The following SLC24A2 variants were observed in gnomAD, a reference collection of about 807,000 sequenced individuals.
SLC24A2 encodes the protein sodium/potassium/calcium exchanger 2.
Under a neutral mutation model 62.0 loss-of-function variants are expected in SLC24A2, and 36 were observed. That is an observed-to-expected ratio of 0.58 (90% confidence interval 0.44 to 0.77). SLC24A2 has a LOEUF of 0.77. SLC24A2 is among the 30% of genes least tolerant of loss of function. The probability of loss-of-function intolerance (pLI) is 0.00; values close to 1 mark genes in which losing one functional copy is unlikely to be tolerated. For missense variants in SLC24A2, 846 were observed against 817.9 expected (o/e 1.03, Z -0.42); for synonymous variants, 358 against 294.0 (o/e 1.22, Z -2.23).
the SLC24A2 span, among the ~76,000 whole-genome samples, chr9:20,000,680 T>C: frequency 6.6e-6 from 1 of 152,184 alleles, no homozygotes; most frequent in Non-Finnish European, 1.5e-5. Context: ...GTTTCTTATG[T>C]GTCAGTGTTA....
the SLC24A2 span, among the ~76,000 whole-genome samples, chr9:19,841,062 A>T: frequency 3.2e-3 from 489 of 152,244 alleles, 1 homozygote; most frequent in African/African-American, 0.011. Flanking sequence ...ATTGGCTTAA[A>T]TGAACACAAA....
intron 4 of SLC24A2, among the ~76,000 whole-genome samples, chr9:19,609,199 C>T (rs143466337): frequency 5.2e-4 from 79 of 152,364 alleles, no homozygotes; most frequent in African/African-American, 1.6e-3. Flanking sequence ...CATGAATGTG[C>T]GCTCTCACTG....
the SLC24A2 span, among the ~76,000 whole-genome samples, chr9:20,076,239 T>C: frequency 6.6e-6 from 1 of 152,156 alleles, no homozygotes. Context: ...ATTTCACAGT[T>C]AGATGAGCAT....
At position 19,771,241 on chromosome 9, in the gene SLC24A2, A is replaced by T. The variant is rs188979215; in HGVS notation, c.930+14696T>A. Reference sequence around the variant, plus strand: ...CCCAGTTTATGATTCTGCACCAGGGAGGCATGTGGTGTTATTTCCCAGGGC... The same window carrying T: ...CCCAGTTTATGATTCTGCACCAGGGTGGCATGTGGTGTTATTTCCCAGGGC... On this transcript the variant is annotated intron_variant, in intron 2 of 10. Coordinates refer to ENST00000341998, the MANE Select transcript of SLC24A2 (RefSeq NM_020344.4). Among the ~76,000 whole-genome samples the T allele has an allele frequency of 1.1e-3, 166 of 152,248 alleles. 1 individual carries two copies. Among genetic ancestry groups the T allele is most frequent in the Middle Eastern group, 3.4e-3 (1 of 294 alleles).
chr9:19,604,557 T>C lies in SLC24A2; in HGVS notation c.1079-7278A>G, dbSNP rs1431877590. 2.6e-5 allele frequency among the ~76,000 whole-genome samples: 4 copies of C among 152,132 alleles called. No homozygotes were observed. In the East Asian group the frequency reaches 7.7e-4, roughly 29 times the overall value. Reference sequence around the variant, plus strand: ...AGCTATTGGGTCAGCAAAGCCGAGTTTCTACCCTCTGGTGCATGAAAGCAT... The same window carrying C: ...AGCTATTGGGTCAGCAAAGCCGAGTCTCTACCCTCTGGTGCATGAAAGCAT... On this transcript the variant is annotated intron_variant, in intron 4 of 10. Transcript: ENST00000341998.
chr9:20,225,391 T>C, the SLC24A2 span, among the ~76,000 whole-genome samples: 1 of 150,340 alleles, frequency 6.7e-6, no homozygotes, highest in Admixed American at 6.7e-5. Flanking sequence ...TAACTACTTT[T>C]GGGGAGGAGG....
intron 2 of SLC24A2, among the ~76,000 whole-genome samples, chr9:19,704,217 C>T (rs1820440188): frequency 6.6e-6 from 1 of 152,128 alleles, no homozygotes. Flanking sequence ...ACAAGTTCTC[C>T]AGTGATTCGC....
the SLC24A2 span, among the ~76,000 whole-genome samples, chr9:20,112,717 G>T: frequency 6.6e-6 from 1 of 152,020 alleles, no homozygotes; most frequent in African/African-American, 2.4e-5. Context: ...GATTTGCTGG[G>T]GAGTGTGGTT....
At chr9:20,017,753 A>G in the SLC24A2 span, among the ~76,000 whole-genome samples, 1 of 152,188 alleles carries the variant, frequency 6.6e-6, no homozygotes, top group East Asian at 1.9e-4. Context: ...GGAAGCATCC[A>G]GCATGGGAGA....
intron 4 of SLC24A2, among the ~76,000 whole-genome samples, chr9:19,613,521 A>G (rs1817684548): frequency 6.6e-6 from 1 of 152,090 alleles, no homozygotes; most frequent in Non-Finnish European, 1.5e-5. Flanking sequence ...AATCCTAAAC[A>G]TCTTTATTCC....
chr9:20,054,780 C>A, the SLC24A2 span, among the ~76,000 whole-genome samples: 1 of 152,136 alleles, frequency 6.6e-6, no homozygotes, highest in African/African-American at 2.4e-5. Flanking sequence ...ACAACTCTAA[C>A]ATGGTGAGGA....
the SLC24A2 span, among the ~76,000 whole-genome samples, chr9:20,154,725 G>A: frequency 3.3e-5 from 5 of 151,534 alleles, no homozygotes; most frequent in South Asian, 2.1e-4. Context: ...GATTAAAACT[G>A]ACTTGAAAAA....
the SLC24A2 span, among the ~76,000 whole-genome samples, chr9:19,901,110 T>C: frequency 1.2e-4 from 18 of 152,206 alleles, no homozygotes; most frequent in Non-Finnish European, 1.9e-4. Flanking sequence ...ACAAACATTA[T>C]TGATCACCTG....
At chr9:19,771,191 G>T (rs1478341830) in intron 2 of SLC24A2, among the ~76,000 whole-genome samples, 1 of 152,184 alleles carries the variant, frequency 6.6e-6, no homozygotes, top group Admixed American at 6.5e-5. Flanking sequence ...CAGGGAAACG[G>T]AGATAGAGTT....
the SLC24A2 span, among the ~76,000 whole-genome samples, chr9:20,057,145 A>T: frequency 6.6e-6 from 1 of 152,238 alleles, no homozygotes; most frequent in East Asian, 1.9e-4. Flanking sequence ...TATATTCACA[A>T]ATATTGGGCC....
At chr9:19,981,156 G>C in the SLC24A2 span, among the ~76,000 whole-genome samples, 1 of 152,156 alleles carries the variant, frequency 6.6e-6, no homozygotes, top group Admixed American at 6.5e-5. Context: ...AAAATGCTAA[G>C]ATACCTTTAA....
the SLC24A2 span, among the ~76,000 whole-genome samples, chr9:19,988,811 T>C: frequency 2.0e-5 from 3 of 152,086 alleles, no homozygotes; most frequent in Non-Finnish European, 4.4e-5. Context: ...ATCCACTCAG[T>C]CCAAATCACA....
the SLC24A2 span, among the ~76,000 whole-genome samples, chr9:19,931,220 T>C: frequency 6.6e-6 from 1 of 152,182 alleles, no homozygotes; most frequent in Non-Finnish European, 1.5e-5. Flanking sequence ...GAAGGTCAGG[T>C]TGCAGTCCTG....
At chr9:19,636,606 C>T (rs1004621942) in intron 2 of SLC24A2, among the ~76,000 whole-genome samples, 3 of 151,360 alleles carry the variant, frequency 2.0e-5, no homozygotes, top group Admixed American at 6.6e-5. Flanking sequence ...AGCTAATTTT[C>T]GTATTTTTAG....
Sources: allele counts gnomAD v4.1 joint callset (sites outside exome capture counted in the v4.1 genomes callset), GRCh38; gene constraint gnomAD v4.1.1; transcripts MANE v1.5; gene names NCBI Gene and HGNC (gene_info 2026-07-23, HGNC 2026-07-21).